The following SERPINI1 variants were observed in gnomAD, a reference collection of about 807,000 sequenced individuals.
The protein encoded by SERPINI1 is serpin family I member 1.
In SERPINI1, 19 loss-of-function variants were observed where a neutral mutation model predicts 41.1. That is an observed-to-expected ratio of 0.46 (90% confidence interval 0.32 to 0.68). SERPINI1 has a LOEUF of 0.68. Among genes scored for constraint, SERPINI1 ranks in the 30% least tolerant of loss-of-function variants. The pLI is 0.03. For synonymous variants in SERPINI1, 138 were observed against 156.6 expected (o/e 0.88, Z 0.89); for missense variants, 460 against 479.2 (o/e 0.96, Z 0.37).
intron 1 of SERPINI1, among the ~76,000 whole-genome samples, chr3:167,762,982 T>C (rs956189678): frequency 6.6e-6 from 1 of 152,164 alleles, no homozygotes; most frequent in Non-Finnish European, 1.5e-5. Context: ...CCAGACCTGA[T>C]TGATTCTCTG....
intron 7 of SERPINI1, among the ~76,000 whole-genome samples, chr3:167,823,608 C>T (rs1712414654): frequency 6.6e-6 from 1 of 152,080 alleles, no homozygotes; most frequent in African/African-American, 2.4e-5. Flanking sequence ...TTATTACAAA[C>T]ATTTCAATCA....
intron 6 of SERPINI1, among the ~76,000 whole-genome samples, chr3:167,817,586 A>T (rs144304289): frequency 1.4e-3 from 216 of 151,354 alleles, no homozygotes; most frequent in East Asian, 0.011. Flanking sequence ...TTTTATTTTT[A>T]TTTATTTATT....
At chr3:167,740,843 G>A (rs1180787514) in intron 1 of SERPINI1, among the ~76,000 whole-genome samples, 2 of 151,092 alleles carry the variant, frequency 1.3e-5, no homozygotes, top group Non-Finnish European at 3.0e-5. Context: ...TTAAAGATGT[G>A]CTTTTATGTA....
intron 6 of SERPINI1, among the ~76,000 whole-genome samples, chr3:167,820,857 C>T (rs746229903): frequency 1.8e-4 from 28 of 152,194 alleles, no homozygotes; most frequent in Non-Finnish European, 4.1e-4. Flanking sequence ...AGAATGAGAA[C>T]TTACGGTGCT....
intron 1 of SERPINI1, among the ~76,000 whole-genome samples, chr3:167,775,500 A>G (rs898347289): frequency 1.3e-5 from 2 of 152,060 alleles, no homozygotes; most frequent in Admixed American, 1.3e-4. Context: ...AGGATGAGTC[A>G]GGCTACAACT....
At chr3:167,753,474 A>G (rs989925611) in intron 1 of SERPINI1, among the ~76,000 whole-genome samples, 2 of 152,216 alleles carry the variant, frequency 1.3e-5, no homozygotes, top group Admixed American at 6.5e-5. Context: ...CAGGTACTCA[A>G]TAATGCCAGA....
intron 1 of SERPINI1, among the ~76,000 whole-genome samples, chr3:167,738,509 C>T (rs998832089): frequency 1.3e-5 from 2 of 152,030 alleles, no homozygotes; most frequent in African/African-American, 4.8e-5. Flanking sequence ...AAGAAAACTA[C>T]TTGAGAAACA....
intron 5 of SERPINI1, among the ~76,000 whole-genome samples, chr3:167,805,735 G>T (rs768718166): frequency 1.6e-4 from 24 of 152,076 alleles, no homozygotes; most frequent in South Asian, 4.1e-4. Flanking sequence ...TAAGGAAGGG[G>T]TCTAGTTTCT....
intron 1 of SERPINI1, among the ~76,000 whole-genome samples, chr3:167,786,604 C>G (rs181100423): frequency 5.6e-4 from 85 of 150,502 alleles, no homozygotes; most frequent in Non-Finnish European, 1.9e-4. Flanking sequence ...TAGAAGTTTT[C>G]TGGGTAAATC....
chr3:167,737,071 T>C (rs1157375031), intron 1 of SERPINI1, among the ~76,000 whole-genome samples: 2 of 152,184 alleles, frequency 1.3e-5, no homozygotes, highest in Non-Finnish European at 2.9e-5. Context: ...CCTATTTCTA[T>C]GCTTTCCTGA....
At chr3:167,744,169 A>G (rs1290652881) in intron 1 of SERPINI1, among the ~76,000 whole-genome samples, 5 of 152,098 alleles carry the variant, frequency 3.3e-5, no homozygotes, top group African/African-American at 9.7e-5. Context: ...ATCATTAGCT[A>G]TATGATATTC....
chr3:167,766,120 G>A (rs998113116), intron 1 of SERPINI1, among the ~76,000 whole-genome samples: 13 of 150,722 alleles, frequency 8.6e-5, no homozygotes, highest in Non-Finnish European at 1.6e-4. Flanking sequence ...TTCCACATTT[G>A]TGGGTATCTT....
chr3:167,739,018 CATTT>C (rs1270461150), intron 1 of SERPINI1, among the ~76,000 whole-genome samples: 1 of 151,520 alleles, frequency 6.6e-6, no homozygotes, highest in Non-Finnish European at 1.5e-5. Flanking sequence ...AGCAAGAGCC[CATTT>C]ATTTAATTAA....
At chr3:167,815,743 T>C (rs1386581293) in intron 6 of SERPINI1, among the ~76,000 whole-genome samples, 2 of 152,174 alleles carry the variant, frequency 1.3e-5, no homozygotes, top group African/African-American at 4.8e-5. Context: ...GGTGTTTTTC[T>C]GAAGGCTGAT....
In SERPINI1 at chr3:167,778,853, G is replaced by T. The variant is rs76756584; in HGVS notation, c.-18-10258G>T. 4.0e-3 allele frequency among the ~76,000 whole-genome samples: 611 copies of T among 152,334 alleles called. 12 individuals carry two copies. Among genetic ancestry groups the T allele is most frequent in the East Asian group, 0.031 (163 of 5,182 alleles). ...TCATTGCTTTAAAGTTAAGCCATAA[G>T]CTAAATTCCTCTCATAGTTAGCTTG... On this transcript the variant is annotated intron_variant, in intron 1 of 8. Transcript: ENST00000446050.
intron 1 of SERPINI1, among the ~76,000 whole-genome samples, chr3:167,761,117 G>C (rs891072632): frequency 3.3e-5 from 5 of 152,158 alleles, no homozygotes; most frequent in Non-Finnish European, 7.4e-5. Context: ...CCTGCCTTCA[G>C]ACTTTCGAAC....
chr3:167,787,404 A>C (rs1727350275), intron 1 of SERPINI1, among the ~76,000 whole-genome samples: 1 of 152,254 alleles, frequency 6.6e-6, no homozygotes, highest in African/African-American at 2.4e-5. Context: ...CTTGCAGTAC[A>C]GTAGGTTTGT....
At chr3:167,822,270 G>A (rs1379421354) in intron 6 of SERPINI1, among the ~76,000 whole-genome samples, 1 of 152,090 alleles carries the variant, frequency 6.6e-6, no homozygotes, top group South Asian at 2.1e-4. Context: ...TCCAAATATA[G>A]TCAATCTCTG....
chr3:167,755,155 A>G (rs1261690895), intron 1 of SERPINI1, among the ~76,000 whole-genome samples: 4 of 152,170 alleles, frequency 2.6e-5, no homozygotes, highest in African/African-American at 9.7e-5. Context: ...TAACTCCACA[A>G]CTACATTTTT....
Sources: allele counts gnomAD v4.1 joint callset (sites outside exome capture counted in the v4.1 genomes callset), GRCh38; gene constraint gnomAD v4.1.1; transcripts MANE v1.5; gene names NCBI Gene and HGNC (gene_info 2026-07-23, HGNC 2026-07-21).